The following NRXN3 variants were observed in gnomAD, a reference collection of about 807,000 sequenced individuals.
NRXN3 encodes the protein neurexin III.
NRXN3 carries 32 observed loss-of-function variants against 137.6 expected under a neutral mutation model. The ratio of observed to expected loss-of-function variants is 0.23; its 90% confidence interval spans 0.18 to 0.31. The LOEUF (loss-of-function observed/expected upper bound fraction) is 0.31. Among genes scored for constraint, NRXN3 ranks in the 10% least tolerant of loss-of-function variants. The pLI, the probability that NRXN3 is intolerant of heterozygous loss-of-function variation, is 1.00. For missense variants in NRXN3, 1,574 were observed against 2,062.5 expected (o/e 0.76, Z 4.59); for synonymous variants, 798 against 784.5 (o/e 1.02, Z -0.29).
At chr14:79,256,958 T>G (rs992995825) in intron 15 of NRXN3, among the ~76,000 whole-genome samples, 2 of 152,018 alleles carry the variant, frequency 1.3e-5, no homozygotes, top group Non-Finnish European at 2.9e-5. Context: ...TGATTATAGG[T>G]TTATAAGGTT....
intron 4 of NRXN3, among the ~76,000 whole-genome samples, chr14:78,363,655 GCTATCTGGCTGGAGAATCTGCTGTGTGTT>G (rs1046218664): frequency 6.6e-6 from 1 of 152,150 alleles, no homozygotes; most frequent in African/African-American, 2.4e-5. Flanking sequence ...ATGATAAGGT[GCTATCTGGCTGGAGAATCTGCTGTGTGTT>G]CTGTCCTCTG....
intron 4 of NRXN3, among the ~76,000 whole-genome samples, chr14:78,426,859 C>G (rs1011312925): frequency 2.0e-5 from 3 of 152,112 alleles, no homozygotes; most frequent in African/African-American, 7.2e-5. Flanking sequence ...AACCCCATCA[C>G]AGACCATGGG....
At chr14:79,768,349 A>G (rs2099063734) in intron 19 of NRXN3, among the ~76,000 whole-genome samples, 1 of 152,206 alleles carries the variant, frequency 6.6e-6, no homozygotes. Context: ...GACAGCAGTA[A>G]CCTCTGCAGA....
intron 15 of NRXN3, among the ~76,000 whole-genome samples, chr14:79,302,402 C>T (rs1436867127): frequency 3.3e-5 from 5 of 151,920 alleles, no homozygotes; most frequent in African/African-American, 4.8e-5. Context: ...GAAGCTTTTA[C>T]TCATGGTGGA....
At chr14:78,475,594 G>A (rs2095364695) in intron 4 of NRXN3, among the ~76,000 whole-genome samples, 1 of 152,198 alleles carries the variant, frequency 6.6e-6, no homozygotes, top group African/African-American at 2.4e-5. Flanking sequence ...GTAAATAAGA[G>A]TTGAATAGAG....
At chr14:79,580,115 CAT>C (rs2097700671) in intron 16 of NRXN3, among the ~76,000 whole-genome samples, 1 of 152,178 alleles carries the variant, frequency 6.6e-6, no homozygotes, top group African/African-American at 2.4e-5. Context: ...GCTGCAAACA[CAT>C]GATTTTATCC....
At chr14:78,298,666 A>G (rs1567198451) in intron 4 of NRXN3, among the ~76,000 whole-genome samples, 1 of 152,190 alleles carries the variant, frequency 6.6e-6, no homozygotes, top group East Asian at 1.9e-4. Context: ...TTTCCTTCAC[A>G]GTTCAATTGC....
chr14:79,618,041 G>T (rs1477342562), intron 16 of NRXN3, among the ~76,000 whole-genome samples: 1 of 151,700 alleles, frequency 6.6e-6, no homozygotes, highest in East Asian at 1.9e-4. Flanking sequence ...TTTACTTTCT[G>T]CTGTTTACTT....
At chr14:79,621,818 C>T (rs1338680898) in intron 16 of NRXN3, among the ~76,000 whole-genome samples, 1 of 152,178 alleles carries the variant, frequency 6.6e-6, no homozygotes, top group Non-Finnish European at 1.5e-5. Context: ...TTCTCAGTTA[C>T]AATGCTTGCT....
intron 15 of NRXN3, among the ~76,000 whole-genome samples, chr14:79,262,184 C>A (rs144609002): frequency 1.3e-4 from 20 of 152,226 alleles, no homozygotes; most frequent in Non-Finnish European, 2.6e-4. Flanking sequence ...TGGGCCCCTC[C>A]TGCCCACAAC....
intron 15 of NRXN3, among the ~76,000 whole-genome samples, chr14:79,372,946 A>G (rs544899098): frequency 4.8e-4 from 73 of 152,126 alleles, no homozygotes; most frequent in African/African-American, 1.7e-3. Context: ...TGAGATACCC[A>G]TTAAGATATC....
chr14:79,119,944 A>G (rs1019628152), intron 15 of NRXN3, among the ~76,000 whole-genome samples: 2 of 152,154 alleles, frequency 1.3e-5, no homozygotes, highest in African/African-American at 2.4e-5. Flanking sequence ...TAACAATTCA[A>G]TATACTCTAT....
intron 16 of NRXN3, among the ~76,000 whole-genome samples, chr14:79,631,645 CG>C (rs1353598621): frequency 6.6e-6 from 1 of 152,160 alleles, no homozygotes; most frequent in Non-Finnish European, 1.5e-5. Flanking sequence ...GAGGTGAAGC[CG>C]GCTGGGCTTT....
At chr14:78,790,569 AG>A (rs1433431039) in intron 8 of NRXN3, among the ~76,000 whole-genome samples, 1 of 152,200 alleles carries the variant, frequency 6.6e-6, no homozygotes, top group East Asian at 1.9e-4. Context: ...ATGCAGTTTA[AG>A]ATCAGCCCAG....
intron 6 of NRXN3, among the ~76,000 whole-genome samples, chr14:78,674,472 A>G (rs1210881198): frequency 6.6e-6 from 1 of 152,234 alleles, no homozygotes; most frequent in Non-Finnish European, 1.5e-5. Flanking sequence ...TTACTTCTTC[A>G]AATGAATCAT....
chr14:79,547,589 T>C (rs569381133), intron 16 of NRXN3, among the ~76,000 whole-genome samples: 3 of 152,202 alleles, frequency 2.0e-5, no homozygotes, highest in South Asian at 2.1e-4. Flanking sequence ...TCCAAGGAAT[T>C]TGGGAAGGAG....
intron 10 of NRXN3, among the ~76,000 whole-genome samples, chr14:78,831,065 G>A (rs1285328888): frequency 6.6e-6 from 1 of 152,188 alleles, no homozygotes. Flanking sequence ...GGTGGAGCAA[G>A]CTGATGACTT....
chr14:78,240,456 G>T (rs978346995), intron 1 of NRXN3, among the ~76,000 whole-genome samples: 4 of 152,206 alleles, frequency 2.6e-5, no homozygotes, highest in African/African-American at 9.7e-5. Flanking sequence ...GTAAATGAAG[G>T]TTGCCAGATA....
chr14:79,022,871 C>T (rs1449305773), intron 15 of NRXN3, among the ~76,000 whole-genome samples: 2 of 152,146 alleles, frequency 1.3e-5, no homozygotes, highest in Non-Finnish European at 2.9e-5. Context: ...TACCTCAGAT[C>T]AGGTAATCGG....
Sources: gnomAD v4.1 joint callset for allele counts (sites outside exome capture counted in the v4.1 genomes callset) on GRCh38, gnomAD v4.1.1 for gene constraint, MANE v1.5 for transcripts, NCBI Gene and HGNC (gene_info 2026-07-23, HGNC 2026-07-21) for gene names.